Variants in GRIP1 observed in about 807,000 individuals in gnomAD.
GRIP1 encodes the protein glutamate receptor-interacting protein 1.
Under a neutral mutation model 129.9 loss-of-function variants are expected in GRIP1, and 45 were observed. The ratio of observed to expected loss-of-function variants is 0.35; its 90% CI spans 0.27 to 0.44. The LOEUF (loss-of-function observed/expected upper bound fraction) is 0.44, where lower values mean the gene tolerates loss of function less well. Among genes scored for constraint, GRIP1 ranks in the 20% least tolerant of loss-of-function variants. The pLI, the probability that GRIP1 is intolerant of heterozygous loss-of-function variation, is 1.00. For missense variants in GRIP1, 1,196 were observed against 1,396.8 expected, an observed-to-expected ratio of 0.86 and a Z score of 2.29; for synonymous variants, 530 against 520.8, an observed-to-expected ratio of 1.02 and a Z score of -0.24.
intron 1 of GRIP1, among the ~76,000 whole-genome samples, chr12:66,686,874 T>C (rs2034804803): frequency 6.6e-6 from 1 of 152,070 alleles, no homozygotes; most frequent in Non-Finnish European, 1.5e-5. Flanking sequence ...ATGGGCAATA[T>C]AGTGAGACCT....
chr12:67,018,708 AAAGG>A (rs1331363360), intron 1 of GRIP1, among the ~76,000 whole-genome samples: 1 of 152,108 alleles, frequency 6.6e-6, no homozygotes, highest in African/African-American at 2.4e-5. Context: ...GCCCCCAGGA[AAAGG>A]AAGGGTGAAT....
At chr12:66,859,790 C>A (rs1325378933) in intron 1 of GRIP1, among the ~76,000 whole-genome samples, 3 of 152,044 alleles carry the variant, frequency 2.0e-5, no homozygotes, top group African/African-American at 7.2e-5. Context: ...ATTCAACATC[C>A]TGATGAACAC....
intron 1 of GRIP1, among the ~76,000 whole-genome samples, chr12:66,993,545 C>T (rs1183166700): frequency 1.3e-5 from 2 of 151,888 alleles, no homozygotes; most frequent in South Asian, 4.1e-4. Context: ...AATCCCAGCA[C>T]TTTAGGAGGC....
At chr12:66,378,337 A>G (rs534484580) in intron 20 of GRIP1, among the ~76,000 whole-genome samples, 1 of 152,304 alleles carries the variant, frequency 6.6e-6, no homozygotes, top group South Asian at 2.1e-4. Context: ...CTGCAGTCCC[A>G]GCTAATCGGG....
At chr12:66,981,580 A>G (rs1015818404) in intron 1 of GRIP1, among the ~76,000 whole-genome samples, 2 of 152,240 alleles carry the variant, frequency 1.3e-5, no homozygotes, top group African/African-American at 4.8e-5. Context: ...GTATTACCAA[A>G]ACTGTAACTT....
chr12:66,669,920 T>C (rs1375512454), intron 1 of GRIP1, among the ~76,000 whole-genome samples: 1 of 152,230 alleles, frequency 6.6e-6, no homozygotes, highest in African/African-American at 2.4e-5. Context: ...TTTAATATCA[T>C]TTAATTGCAA....
In GRIP1 at chr12:66,667,003, T is replaced by C. The variant is rs1174540698; in HGVS notation, c.55+11847A>G. On this transcript the variant is annotated intron_variant, in intron 1 of 24. Transcript: ENST00000359742. ...GATCTTCTCATTTTCCACGATGTCC[T>C]GGAAGAGGATTTGTTTATGTCTTTG... Among the ~76,000 whole-genome samples the C allele has an allele frequency of 3.9e-5, 6 of 152,124 alleles. No homozygotes were observed. The East Asian group carries it at 1.2e-3, about 29-fold the overall frequency.
At chr12:66,410,209 C>T (rs2057341943) in intron 15 of GRIP1, among the ~76,000 whole-genome samples, 2 of 118,848 alleles carry the variant, frequency 1.7e-5, no homozygotes, top group Admixed American at 2.0e-4. Flanking sequence ...GAGATCCCGC[C>T]ACTGCACTCC....
intron 7 of GRIP1, among the ~76,000 whole-genome samples, chr12:66,504,777 A>G (rs1565807289): frequency 6.6e-6 from 1 of 152,242 alleles, no homozygotes; most frequent in Non-Finnish European, 1.5e-5. Flanking sequence ...GAAAGATAAT[A>G]AAACATGCTG....
chr12:66,526,198 C>G (rs923502164), intron 5 of GRIP1, among the ~76,000 whole-genome samples: 4 of 150,074 alleles, frequency 2.7e-5, no homozygotes, highest in South Asian at 4.2e-4. Context: ...CATATGGAAC[C>G]AAAAAAGAGC....
At chr12:66,473,096 G>A (rs2059487451) in intron 7 of GRIP1, among the ~76,000 whole-genome samples, 2 of 152,202 alleles carry the variant, frequency 1.3e-5, no homozygotes, top group Non-Finnish European at 1.5e-5. Flanking sequence ...CTCACTGCCA[G>A]CATAGCAGTC....
intron 23 of GRIP1, among the ~76,000 whole-genome samples, chr12:66,358,921 C>G (rs368289573): frequency 1.3e-5 from 2 of 152,146 alleles, no homozygotes; most frequent in Admixed American, 6.5e-5. Flanking sequence ...TCTCTCTGCC[C>G]GAGGTTCCTG....
At chr12:66,924,339 A>T (rs951294565) in intron 1 of GRIP1, among the ~76,000 whole-genome samples, 4 of 152,218 alleles carry the variant, frequency 2.6e-5, no homozygotes, top group Non-Finnish European at 5.9e-5. Flanking sequence ...GGCACTATAC[A>T]TTAAACAAAT....
chr12:66,979,233 A>ACAAACAAAC (rs1379691279), intron 1 of GRIP1, among the ~76,000 whole-genome samples: 1 of 100,138 alleles, frequency 1.0e-5, no homozygotes, highest in African/African-American at 4.3e-5. Context: ...AAAAAAAAAA[A>ACAAACAAAC]AAAAAAAAAA....
At chr12:66,990,165 A>G (rs920281432) in intron 1 of GRIP1, among the ~76,000 whole-genome samples, 5 of 152,218 alleles carry the variant, frequency 3.3e-5, no homozygotes, top group African/African-American at 1.2e-4. Context: ...TCTGATGATC[A>G]GGCAAAGGTT....
At chr12:66,975,949 C>T (rs10878547) in intron 1 of GRIP1, among the ~76,000 whole-genome samples, 37,398 of 151,992 alleles carry the variant, frequency 0.25, 5,136 homozygotes, top group East Asian at 0.4. Flanking sequence ...ATGGTATTTA[C>T]CAATTTCATA....
At chr12:67,059,202 A>T (rs1366516804) in intron 1 of GRIP1, among the ~76,000 whole-genome samples, 2 of 152,100 alleles carry the variant, frequency 1.3e-5, no homozygotes, top group African/African-American at 4.8e-5. Flanking sequence ...ACAGTTAAGC[A>T]CTCTCTGGCT....
intron 1 of GRIP1, among the ~76,000 whole-genome samples, chr12:66,934,291 C>T (rs562900406): frequency 2.6e-5 from 4 of 152,168 alleles, no homozygotes; most frequent in South Asian, 2.1e-4. Context: ...TGCCCTTGCC[C>T]GGAAAAACAT....
At chr12:67,022,894 T>C (rs1950299234) in intron 1 of GRIP1, among the ~76,000 whole-genome samples, 1 of 152,134 alleles carries the variant, frequency 6.6e-6, no homozygotes, top group African/African-American at 2.4e-5. Context: ...TAGTGTCTGT[T>C]GTTCCCATGT....
Sources: allele counts gnomAD v4.1 joint callset (sites outside exome capture counted in the v4.1 genomes callset), GRCh38; gene constraint gnomAD v4.1.1; transcripts MANE v1.5; gene names NCBI Gene and HGNC (gene_info 2026-07-23, HGNC 2026-07-21).